The following EFCAB8 variants were observed in gnomAD, a reference collection of about 807,000 sequenced individuals.
EFCAB8 encodes the protein EF-hand calcium binding domain 8, also known as EF-hand calcium-binding domain-containing protein 8.
EFCAB8 carries 100 observed loss-of-function variants against 116.3 expected under a neutral mutation model. The observed-to-expected ratio is 0.86, with a 90% confidence interval of 0.73 to 1.02. The LOEUF (loss-of-function observed/expected upper bound fraction) is 1.02, where lower values mean the gene tolerates loss of function less well. Ranked by LOEUF, EFCAB8 falls within the 50% of genes least tolerant of loss-of-function variation. The probability of loss-of-function intolerance (pLI) is 0.00; values close to 1 mark genes in which losing one functional copy is unlikely to be tolerated. For missense variants in EFCAB8, 1,320 were observed against 1,416.9 expected (o/e 0.93, Z 1.10); for synonymous variants, 558 against 567.9 (o/e 0.98, Z 0.25).
rs1386827677 is a variant in EFCAB8 at position 32,895,559 on chromosome 20, T to TTTTC, written c.884-879_884-876dup. Among the ~76,000 whole-genome samples, 8 of 148,200 alleles carry TTTTC rather than the reference T, an allele frequency of 5.4e-5. No individual in the cohort carries two copies. The South Asian group carries it at 6.4e-4, about 12-fold the overall frequency. ...ACTGTGTTGTCCAGACTGGTATCTT[T>TTTTC]TTTCTTTCTTTCTTTCTTTTTTTTT... is the stretch of plus-strand genomic sequence containing the variant. On this transcript the variant is annotated intron_variant, in intron 9 of 26. Transcript: ENST00000400522.
chr20:32,939,844 G>A (rs1441030121), intron 22 of EFCAB8, among the ~76,000 whole-genome samples: 4 of 147,868 alleles, frequency 2.7e-5, no homozygotes, highest in East Asian at 3.9e-4. Flanking sequence ...ACAGGTGCCC[G>A]CCACCATGCC....
At chr20:32,940,722 A>T (rs2146288695) in intron 22 of EFCAB8, among the ~76,000 whole-genome samples, 1 of 150,200 alleles carries the variant, frequency 6.7e-6, no homozygotes, top group Admixed American at 6.6e-5. Flanking sequence ...AACTTGATAA[A>T]AATGATAAAT....
intron 1 of EFCAB8, among the ~76,000 whole-genome samples, chr20:32,860,377 T>A (rs1311095886): frequency 6.6e-6 from 1 of 152,090 alleles, no homozygotes; most frequent in Non-Finnish European, 1.5e-5. Context: ...TCCTTATGAT[T>A]AGATTCAGAT....
intron 3 of EFCAB8, among the ~76,000 whole-genome samples, chr20:32,873,047 C>G (rs1600367320): frequency 6.6e-6 from 1 of 151,950 alleles, no homozygotes; most frequent in South Asian, 2.1e-4. Flanking sequence ...GAGCCGAGAT[C>G]GTGCCATTGC....
chr20:32,959,840 C>G lies in EFCAB8; in HGVS notation c.3152C>G (p.Ala1051Gly). ...YQRREQAALM[A>G]LLHGKADKEA... Reference sequence around the variant, plus strand: ...CGGCGAGAGCAGGCGGCGCTGATGGCTCTCCTGCATGGGAAGGCAGATAAG... The same window carrying G: ...CGGCGAGAGCAGGCGGCGCTGATGGGTCTCCTGCATGGGAAGGCAGATAAG... The change falls in exon 25 of 27, where the codon GCT (alanine) becomes GGT (glycine). Residue 1051 changes from alanine (A) to glycine (G), a missense_variant. Ala to Gly is a moderately conservative substitution (Grantham distance 60). Transcript: ENST00000400522. 6.5e-7 allele frequency: 1 copy of G among 1,546,518 alleles called. No individual in the cohort carries two copies. Among genetic ancestry groups the G allele is most frequent in the Non-Finnish European group, 8.7e-7 (1 of 1,143,804 alleles).
chr20:32,944,971 C>T (rs139048796), intron 23 of EFCAB8, among the ~76,000 whole-genome samples: 11 of 151,780 alleles, frequency 7.2e-5, no homozygotes, highest in South Asian at 4.1e-4. Context: ...GTCCATTTGA[C>T]GATGTCTCAT....
intron 11 of EFCAB8, among the ~76,000 whole-genome samples, chr20:32,905,488 T>A (rs1182514626): frequency 6.6e-6 from 1 of 151,834 alleles, no homozygotes; most frequent in East Asian, 1.9e-4. Flanking sequence ...TGGGGCTGGG[T>A]TTGGTGGCTC....
rs756622726 is a variant in EFCAB8, at chr20:32,920,138, A to G, written c.2335A>G (p.Ile779Val). ...AAGCAAGATCCACAGCAAACAGTCC[A>G]TTTACAAAGAGGATGAAACGAGAAA... ...QSSKIHSKQSIYKEDETRKGE... is the reference protein window; with the variant it reads ...QSSKIHSKQSVYKEDETRKGE... The change falls in exon 20 of 27, where the codon ATT becomes GTT. Residue 779 changes from isoleucine (I) to valine (V), a missense_variant. Ile to Val is a conservative substitution (Grantham distance 29). Coordinates refer to ENST00000400522, the MANE Select transcript of EFCAB8 (RefSeq NM_001143967.2). 4.1e-5 allele frequency: 63 copies of G among 1,551,632 alleles called. No homozygotes were observed. In the African/African-American group the frequency reaches 7.4e-4, roughly 18 times the overall value.
In EFCAB8 at chr20:32,867,689, T is replaced by C; in HGVS notation, c.150T>C (p.Thr50=). The C allele has an allele frequency of 2.6e-6, 4 of 1,550,958 alleles. No homozygotes were observed. Among genetic ancestry groups the C allele is most frequent in the Non-Finnish European group, 3.5e-6 (4 of 1,146,310 alleles). ...PDLQPGSQLF[T]EIHLAKIEKM... is the part of the protein sequence containing the mutation. ...TCCAGCCTGGGTCCCAGCTGTTTAC[T>C]GAGATACACCTGGCCAAGATAGAGA... is the stretch of plus-strand genomic sequence containing the variant. The change falls in exon 3 of 27, where the codon ACT becomes ACC. Residue 50 remains threonine, a synonymous_variant. Transcript: ENST00000400522.
At chr20:32,877,951 C>G (rs556067970) in intron 4 of EFCAB8, among the ~76,000 whole-genome samples, 11 of 152,276 alleles carry the variant, frequency 7.2e-5, no homozygotes, top group Admixed American at 3.3e-4. Context: ...TCAGTGAATG[C>G]TGCGAGTAGG....
chr20:32,930,450 G>A lies in EFCAB8; in HGVS notation c.2465G>A (p.Ser822Asn). ...CTGCCGCACACGGCTGCCCTGCTGA[G>A]CAGCTGCATGGACGGCTACATCTAC... ...PRLPHTAALL[S>N]SCMDGYIYAW... Residue 822 changes from serine to asparagine, a missense_variant, in exon 21 of 27, where the codon AGC becomes AAC. Ser to Asn is a conservative substitution (Grantham distance 46, BLOSUM62 1). Coordinates refer to ENST00000400522, the MANE Select transcript of EFCAB8 (RefSeq NM_001143967.2). 6.4e-7 allele frequency: 1 copy of A among 1,551,850 alleles called. No individual in the cohort carries two copies. Among genetic ancestry groups the A allele is most frequent in the Non-Finnish European group, 8.7e-7 (1 of 1,147,042 alleles).
At chr20:32,954,414 T>TTA (rs1988898952) in intron 23 of EFCAB8, among the ~76,000 whole-genome samples, 3 of 152,242 alleles carry the variant, frequency 2.0e-5, no homozygotes, top group Admixed American at 2.0e-4. Context: ...GTCTTGGCAC[T>TTA]TTTGTTGAAT....
At chr20:32,956,086 T>C (rs1229929501) in intron 23 of EFCAB8, among the ~76,000 whole-genome samples, 1 of 152,110 alleles carries the variant, frequency 6.6e-6, no homozygotes, top group Non-Finnish European at 1.5e-5. Context: ...TAATCAAATA[T>C]TTAAAAAATT....
At chr20:32,885,439 GCCGCAGGTGC>G in intron 5 of EFCAB8, 56 bp from the exon 6 acceptor site, 1 of 1,538,796 alleles carries the variant, frequency 6.5e-7, no homozygotes, top group African/African-American at 1.4e-5. Flanking sequence ...TCTCTGTTCT[GCCGCAGGTGC>G]CCCCTCCCTG....
At chr20:32,930,303 G>A in intron 20 of EFCAB8, 95 bp from the exon 21 acceptor site, 2 of 1,036,170 alleles carry the variant, frequency 1.9e-6, no homozygotes, top group South Asian at 1.6e-5. Flanking sequence ...AGGAAACTGG[G>A]GGACCAGGTG....
At chr20:32,939,125 CTCTTTCTTTCTTTCTT>C (rs56136077) in intron 22 of EFCAB8, among the ~76,000 whole-genome samples, 3,168 of 56,104 alleles carry the variant, frequency 0.056, 163 homozygotes, top group Non-Finnish European at 0.064. Context: ...CTCTTTCTTT[CTCTTTCTTTCTTTCTT>C]TCTTTCTTTC....
At chr20:32,866,925 C>T (rs887399741) in intron 2 of EFCAB8, among the ~76,000 whole-genome samples, 12 of 142,670 alleles carry the variant, frequency 8.4e-5, no homozygotes, top group African/African-American at 1.8e-4. Flanking sequence ...TCGTTTCTTT[C>T]GTTTCTTTTT....
chr20:32,898,298 G>A (rs1986261464), intron 10 of EFCAB8, 195 bp from the exon 11 acceptor site: 1 of 503,804 alleles, frequency 2.0e-6, no homozygotes, highest in Non-Finnish European at 3.6e-6. Flanking sequence ...TTTCAGTGAC[G>A]AGAGATGGCC....
At chr20:32,953,401 A>G (rs574447901) in intron 23 of EFCAB8, among the ~76,000 whole-genome samples, 8 of 152,376 alleles carry the variant, frequency 5.3e-5, no homozygotes, top group Non-Finnish European at 8.8e-5. Context: ...AGGAACCTCC[A>G]TACTGTTTTC....
Sources: allele counts gnomAD v4.1 joint callset (sites outside exome capture counted in the v4.1 genomes callset), GRCh38; gene constraint gnomAD v4.1.1; transcripts MANE v1.5; gene names NCBI Gene and HGNC (gene_info 2026-07-23, HGNC 2026-07-21).